PCLO: variants seen among roughly 807,000 people sequenced by gnomAD.
PCLO encodes the protein piccolo presynaptic cytomatrix protein.
Under a neutral mutation model 427.5 loss-of-function variants are expected in PCLO, and 82 were observed. The ratio of observed to expected loss-of-function variants is 0.19; its 90% CI spans 0.16 to 0.23. The LOEUF is 0.23. PCLO is among the 10% of genes least tolerant of loss of function. PCLO has a pLI of 1.00. For synonymous variants in PCLO, 2,357 were observed against 2,155.4 expected (o/e 1.09, Z -2.59); for missense variants, 6,239 against 6,115.9 (o/e 1.02, Z -0.67).
intron 10 of PCLO, among the ~76,000 whole-genome samples, chr7:82,847,639 G>T (rs868697884): frequency 6.6e-6 from 1 of 152,128 alleles, no homozygotes; most frequent in African/African-American, 2.4e-5. Context: ...GCTACTAGAA[G>T]AATGTATTTG....
At chr7:82,827,220 A>G (rs1295950514) in intron 17 of PCLO, among the ~76,000 whole-genome samples, 1 of 152,106 alleles carries the variant, frequency 6.6e-6, no homozygotes, top group East Asian at 1.9e-4. Flanking sequence ...TTATGTGGGA[A>G]CTGTCTTTAT....
In PCLO at chr7:82,822,651, GACT is replaced by G; in HGVS notation, c.14632_14634del (p.Ser4878del). The G allele has an allele frequency of 6.2e-7, 1 of 1,613,626 alleles. No homozygotes were observed. The highest frequency in any genetic ancestry group is 8.5e-7 in the Non-Finnish European group (1 of 1,179,766). On this transcript the variant is annotated inframe_deletion, in exon 20 of 25. Transcript: ENST00000333891. Reference sequence around the variant, plus strand: ...TCTGATGATGATTTTGAGCTACCAGGACTACTATGGGATTTCTCAATGGTGGGA... The same window carrying G: ...TCTGATGATGATTTTGAGCTACCAGGACTATGGGATTTCTCAATGGTGGGA...
At chr7:82,761,547 T>A in intron 22 of PCLO, 54 bp from the exon 23 acceptor site, 7 of 1,312,516 alleles carry the variant, frequency 5.3e-6, no homozygotes, top group Non-Finnish European at 2.1e-6. Flanking sequence ...ATATGAAATG[T>A]TTAGTTCAGT....
intron 3 of PCLO, among the ~76,000 whole-genome samples, chr7:83,042,001 A>G (rs142282083): frequency 5.4e-4 from 82 of 152,302 alleles, no homozygotes; most frequent in African/African-American, 1.7e-3. Context: ...TAATGATTCA[A>G]GCCAAATTCA....
chr7:83,046,217 G>T (rs747663889), intron 3 of PCLO, among the ~76,000 whole-genome samples: 1 of 151,872 alleles, frequency 6.6e-6, no homozygotes, highest in Non-Finnish European at 1.5e-5. Flanking sequence ...AGGCACTGAG[G>T]GTCAGAGATA....
chr7:82,963,713 A>T (rs1381057514), intron 4 of PCLO, among the ~76,000 whole-genome samples: 1 of 152,088 alleles, frequency 6.6e-6, no homozygotes, highest in Admixed American at 6.6e-5. Flanking sequence ...TTTTAAGGTG[A>T]TCAAATGTAT....
In PCLO at chr7:82,761,499, A is replaced by G; in HGVS notation, c.15008-6T>C. On this transcript the variant is annotated splice_polypyrimidine_tract_variant and splice_region_variant and intron_variant, in intron 22 of 24. Coordinates refer to ENST00000333891, the MANE Select transcript of PCLO (RefSeq NM_033026.6). The stretch of plus-strand genomic sequence containing the variant: ...TCCCATTACCTGAGTTTTAGCTGGG[A>G]GAATTTAATAAAAATGCAAAGAAGT... 1 of 1,587,478 alleles carries G rather than the reference A, an allele frequency of 6.3e-7. No individual in the cohort carries two copies.
intron 22 of PCLO, among the ~76,000 whole-genome samples, chr7:82,790,996 G>A (rs1316831608): frequency 3.3e-5 from 5 of 152,124 alleles, no homozygotes; most frequent in African/African-American, 4.8e-5. Context: ...TTTAGCCTTT[G>A]GTTTCTCTGA....
At chr7:82,961,739 C>T (rs1795660545) in intron 4 of PCLO, among the ~76,000 whole-genome samples, 1 of 152,152 alleles carries the variant, frequency 6.6e-6, no homozygotes, top group Admixed American at 6.5e-5. Flanking sequence ...TATAATGAGG[C>T]AACCAACTAT....
At position 83,155,298 on chromosome 7, in the gene PCLO, T is replaced by C. The variant is rs1377229022; in HGVS notation, c.1343A>G (p.Lys448Arg). 3 of 1,613,950 alleles carry C rather than the reference T, an allele frequency of 1.9e-6. No individual in the cohort carries two copies. Among genetic ancestry groups the C allele is most frequent in the East Asian group, 2.2e-5 (1 of 44,850 alleles). The change falls in exon 2 of 25, where the codon AAG becomes AGG. Residue 448 changes from lysine to arginine, a missense_variant. Physicochemically the swap from Lys to Arg is conservative, Grantham distance 26. Around this residue, in one of 5 missense-constraint regions of PCLO, gnomAD observed 4,677 missense variants for 4,468.4 expected, o/e 1.05. Transcript: ENST00000333891. ...KTPVQQPGPG[K>R]IPAQQAGPGK... ...GGGTCCTGCCTGTTGAGCTGGAATC[T>C]TTCCTGGCCCAGGCTGCTGAACTGG...
At position 83,027,309 on chromosome 7, in the gene PCLO, CAG is replaced by C. The variant is rs1788527840; in HGVS notation, c.3301-60824_3301-60823del. ...ATCCCACAGAAATACAAACTACCAT[CAG>C]AGAATACTACAAACACCTCTACGCA... On this transcript the variant is annotated intron_variant, in intron 3 of 24. Transcript: ENST00000333891. 3.3e-5 allele frequency among the ~76,000 whole-genome samples: 5 copies of C among 151,668 alleles called. No individual in the cohort carries two copies. In the South Asian group the frequency reaches 1.0e-3, roughly 32 times the overall value.
chr7:82,901,135 T>C (rs762510485), intron 9 of PCLO, among the ~76,000 whole-genome samples: 1 of 151,910 alleles, frequency 6.6e-6, no homozygotes, highest in Non-Finnish European at 1.5e-5. Context: ...TTAAAACATA[T>C]GATTAATGAA....
intron 3 of PCLO, among the ~76,000 whole-genome samples, chr7:83,117,396 T>C (rs932439359): frequency 6.6e-6 from 1 of 152,204 alleles, no homozygotes; most frequent in Non-Finnish European, 1.5e-5. Flanking sequence ...TCTATATATT[T>C]AGCATTGTTT....
rs148110426 is a variant in PCLO at position 82,910,469 on chromosome 7, T to A, written c.13301-1456A>T. On this transcript the variant is annotated intron_variant, in intron 7 of 24. Transcript: ENST00000333891. ...GCAGTCTTAGATTTGAGAAAATACA[T>A]TAACACATATCTGTTTTGTAATTGC... Among the ~76,000 whole-genome samples the A allele has an allele frequency of 4.6e-5, 7 of 152,240 alleles. No homozygotes were observed. In the East Asian group the frequency reaches 1.4e-3, roughly 29 times the overall value.
In PCLO at chr7:82,838,213, C is replaced by T. The variant is rs779498262; in HGVS notation, c.14222+5G>A. The T allele has an allele frequency of 3.1e-6, 5 of 1,593,392 alleles. No homozygotes were observed. The highest frequency in any genetic ancestry group is 4.3e-6 in the Non-Finnish European group (5 of 1,166,124). On this transcript the variant is annotated splice_donor_5th_base_variant and intron_variant, in intron 15 of 24. Coordinates refer to ENST00000333891, the MANE Select transcript of PCLO (RefSeq NM_033026.6). ...TGAGATGAAGTACTTCTTAATTTTA[C>T]TTACCCTCTCCCTGGAAGAAGGTAC...
chr7:82,755,826 A>G lies in PCLO; in HGVS notation c.*2749T>C, dbSNP rs956427114. 2 of 152,150 alleles carry G rather than the reference A, an allele frequency of 1.3e-5. No homozygotes were observed. Among genetic ancestry groups the G allele is most frequent in the Non-Finnish European group, 2.9e-5 (2 of 68,008 alleles). The allele number at this position is 152,150 out of a possible 1,614,324, so 9.4% of individuals were successfully genotyped here. A position where few individuals can be genotyped will look rare whatever the true frequency, so the allele number is the denominator to read the frequency against. On this transcript the variant is annotated 3_prime_UTR_variant, in exon 25 of 25. Coordinates refer to ENST00000333891, the MANE Select transcript of PCLO (RefSeq NM_033026.6). ...CATTCAGAAGAAACGCATTCATATAAGGATCAGTGTTGCATAGAATAATTC... is the reference window on the plus strand; with the variant it reads ...CATTCAGAAGAAACGCATTCATATAGGGATCAGTGTTGCATAGAATAATTC...
intron 3 of PCLO, among the ~76,000 whole-genome samples, chr7:83,117,784 A>T (rs542181886): frequency 6.6e-6 from 1 of 152,180 alleles, no homozygotes; most frequent in Non-Finnish European, 1.5e-5. Context: ...CAGGAGTCTC[A>T]TGTCTACAGT....
rs569198130 is a variant in PCLO at position 83,092,998 on chromosome 7, A to C, written c.3300+41252T>G. ...CAAATTTCAATGGATATCAAATAATATTATTGAAGTAATAGAAAGATAAAT... is the reference window on the plus strand; with the variant it reads ...CAAATTTCAATGGATATCAAATAATCTTATTGAAGTAATAGAAAGATAAAT... On this transcript the variant is annotated intron_variant, in intron 3 of 24. Coordinates refer to ENST00000333891, the MANE Select transcript of PCLO (RefSeq NM_033026.6). Among the ~76,000 whole-genome samples, 59 of 151,924 alleles carry C rather than the reference A, an allele frequency of 3.9e-4. 1 individual carries two copies. The highest frequency in any genetic ancestry group is 3.4e-3 in the Middle Eastern group (1 of 292).
chr7:82,955,706 T>A lies in PCLO; in HGVS notation c.5247A>T (p.Lys1749Asn), dbSNP rs370974945. The stretch of plus-strand genomic sequence containing the variant: ...CTTTGCGTTGCTGTTTGCTCTCTCC[T>A]TTTTTGTGACTCGGGCTACTGTCAC... ...EDSDSSPSHK[K>N]GESKQQRKAR... The change falls in exon 5 of 25, where the codon AAA becomes AAT. Residue 1749 changes from lysine to asparagine, a missense_variant. Physicochemically the swap from Lys to Asn is moderately conservative, Grantham distance 94 (BLOSUM62 0). Transcript: ENST00000333891. The A allele has an allele frequency of 1.2e-6, 2 of 1,613,800 alleles. No individual in the cohort carries two copies. Among genetic ancestry groups the A allele is most frequent in the Admixed American group, 3.3e-5 (2 of 59,996 alleles).
Sources: allele counts gnomAD v4.1 joint callset (sites outside exome capture counted in the v4.1 genomes callset), GRCh38; gene constraint gnomAD v4.1.1; regional missense constraint gnomAD v4.1.1; transcripts MANE v1.5; gene names NCBI Gene and HGNC (gene_info 2026-07-23, HGNC 2026-07-21).